The following SKIL variants were observed in gnomAD, a reference collection of about 807,000 sequenced individuals.
The protein encoded by SKIL is ski-like protein.
In SKIL, 20 loss-of-function variants were observed where a neutral mutation model predicts 69.6. That is an observed-to-expected ratio of 0.29 (90% confidence interval 0.20 to 0.42). The LOEUF (loss-of-function observed/expected upper bound fraction) is 0.42. Ranked by LOEUF, SKIL falls within the 10% of genes least tolerant of loss-of-function variation. The pLI is 1.00. For missense variants in SKIL, 745 were observed against 783.1 expected (o/e 0.95, Z 0.58); for synonymous variants, 310 against 279.9 (o/e 1.11, Z -1.08).
intron 2 of SKIL, among the ~76,000 whole-genome samples, chr3:170,368,809 A>G (rs1424166801): frequency 3.3e-5 from 5 of 152,214 alleles, no homozygotes; most frequent in Admixed American, 2.6e-4. Flanking sequence ...TTTTTTTATT[A>G]TAGAAGCATT....
chr3:170,382,314 T>G (rs1737392841), intron 3 of SKIL, among the ~76,000 whole-genome samples: 2 of 152,190 alleles, frequency 1.3e-5, no homozygotes, highest in South Asian at 4.1e-4. Flanking sequence ...ATAGGTCATT[T>G]TCTTTTTGCC....
intron 2 of SKIL, among the ~76,000 whole-genome samples, chr3:170,361,671 T>G (rs955398665): frequency 6.6e-5 from 10 of 152,064 alleles, no homozygotes; most frequent in African/African-American, 2.2e-4. Context: ...ACAGATAAAG[T>G]GAATGAAGCT....
In SKIL at chr3:170,359,770, T is replaced by A. The variant is rs1283874905; in HGVS notation, c.-562T>A. 6.6e-6 allele frequency: 1 copy of A among 152,270 alleles called. No individual in the cohort carries two copies. Among genetic ancestry groups the A allele is most frequent in the Non-Finnish European group, 1.5e-5 (1 of 68,112 alleles). 9.4% of individuals were successfully genotyped at this position (152,270 alleles called of 1,614,324 possible). The stretch of plus-strand genomic sequence containing the variant: ...AATTTTTTAAGTCGGAGGCTGTTCT[T>A]ACTGGTGTGAGGATTTACACACGTC... On this transcript the variant is annotated 5_prime_UTR_variant, in exon 2 of 7. Coordinates refer to ENST00000259119, the MANE Select transcript of SKIL (RefSeq NM_005414.5).
In SKIL at chr3:170,391,216, G is replaced by A. The variant is rs764160055; in HGVS notation, c.1852G>A (p.Asp618Asn). 5 of 1,612,152 alleles carry A rather than the reference G, an allele frequency of 3.1e-6. No individual in the cohort carries two copies. The highest frequency in any genetic ancestry group is 3.3e-5 in the Admixed American group (2 of 59,866). Residue 618 changes from aspartate to asparagine, a missense_variant, in exon 6 of 7, where the codon GAC becomes AAC. By Grantham distance (23) the Asp-to-Asn change is conservative (BLOSUM62 1). Coordinates refer to ENST00000259119, the MANE Select transcript of SKIL (RefSeq NM_005414.5). ...GATAATGAAGCAAAAATGTACCTGTGACTCAAATTTAGAAAAAGACAAAGA... is the reference window on the plus strand; with the variant it reads ...GATAATGAAGCAAAAATGTACCTGTAACTCAAATTTAGAAAAAGACAAAGA... Reference protein sequence around the residue: ...EQIMKQKCTCDSNLEKDKEAE... With the variant: ...EQIMKQKCTCNSNLEKDKEAE...
At chr3:170,364,268 A>G (rs534791182) in intron 2 of SKIL, among the ~76,000 whole-genome samples, 1 of 146,114 alleles carries the variant, frequency 6.8e-6, no homozygotes, top group South Asian at 2.2e-4. Context: ...CTACTCTTAC[A>G]TGTCTGTTGG....
chr3:170,365,786 C>T (rs1469998475), intron 2 of SKIL, among the ~76,000 whole-genome samples: 6 of 114,214 alleles, frequency 5.3e-5, no homozygotes, highest in African/African-American at 8.4e-5. Context: ...GATGGAGTTT[C>T]GCTCTTGCGC....
chr3:170,370,110 G>GCGCCTGTAGTCC (rs1268392696), intron 2 of SKIL, among the ~76,000 whole-genome samples: 1 of 151,870 alleles, frequency 6.6e-6, no homozygotes, highest in Non-Finnish European at 1.5e-5. Context: ...GCGGTGGCAG[G>GCGCCTGTAGTCC]CGCCTGTAGT....
chr3:170,378,200 C>T (rs1422016738), intron 2 of SKIL, among the ~76,000 whole-genome samples: 3 of 152,120 alleles, frequency 2.0e-5, no homozygotes, highest in Non-Finnish European at 4.4e-5. Flanking sequence ...CTATTTTTGT[C>T]CTTTAGTTGG....
At chr3:170,366,950 A>G in intron 2 of SKIL, among the ~76,000 whole-genome samples, 1 of 151,778 alleles carries the variant, frequency 6.6e-6, no homozygotes, top group Non-Finnish European at 1.5e-5. Context: ...ATTTGATCTA[A>G]TTCTAATTTT....
At chr3:170,376,182 G>C (rs1219555210) in intron 2 of SKIL, among the ~76,000 whole-genome samples, 1 of 151,464 alleles carries the variant, frequency 6.6e-6, no homozygotes, top group Non-Finnish European at 1.5e-5. Context: ...CGAGTAGCTG[G>C]GATTACAGGG....
chr3:170,363,866 G>A (rs1368689159), intron 2 of SKIL, among the ~76,000 whole-genome samples: 3 of 152,192 alleles, frequency 2.0e-5, no homozygotes, highest in Non-Finnish European at 2.9e-5. Context: ...GTCCCGTGCT[G>A]AAGTTTGTGC....
chr3:170,395,257 A>T lies in SKIL; in HGVS notation c.*2840A>T, dbSNP rs1310631303. On this transcript the variant is annotated 3_prime_UTR_variant, in exon 7 of 7. Transcript: ENST00000259119. ...CTCTTCAACTACCCTAAATTTCACA[A>T]ATGTAACTTATAACACTATGAAAAG... The T allele has an allele frequency of 6.6e-6, 1 of 152,144 alleles. No homozygotes were observed. Among genetic ancestry groups the T allele is most frequent in the East Asian group, 1.9e-4 (1 of 5,200 alleles). The allele number at this position is 152,144 out of a possible 1,614,324, so 9.4% of individuals were successfully genotyped here. A position where few individuals can be genotyped will look rare whatever the true frequency, so the allele number is the denominator to read the frequency against.
chr3:170,389,160 A>C lies in SKIL; in HGVS notation c.1430-1063A>C, dbSNP rs528970243. On this transcript the variant is annotated intron_variant, in intron 4 of 6. Coordinates refer to ENST00000259119, the MANE Select transcript of SKIL (RefSeq NM_005414.5). ...AGTGCTGGGATTATAGGCGTGAGCC[A>C]CCACATCCAGCCAAGAAATTTATGT... 3.0e-4 allele frequency among the ~76,000 whole-genome samples: 45 copies of C among 152,284 alleles called. No homozygotes were observed. The Middle Eastern group carries it at 0.014, about 46-fold the overall frequency.
intron 2 of SKIL, among the ~76,000 whole-genome samples, chr3:170,362,020 G>C (rs1049296000): frequency 1.3e-5 from 2 of 152,020 alleles, no homozygotes; most frequent in Non-Finnish European, 2.9e-5. Context: ...CAATTCCCGT[G>C]GGCTCAAAAC....
intron 2 of SKIL, among the ~76,000 whole-genome samples, chr3:170,369,002 T>C (rs1736670024): frequency 6.6e-6 from 1 of 152,068 alleles, no homozygotes; most frequent in South Asian, 2.1e-4. Context: ...AAAACGACTT[T>C]TATAATAACT....
intron 1 of SKIL, chr3:170,358,429 C>T (rs1220837067): frequency 6.6e-6 from 1 of 152,502 alleles, no homozygotes; most frequent in African/African-American, 2.4e-5. Context: ...CACCCCCAGG[C>T]TTCCCGTGTC....
At chr3:170,378,551 C>CTTTTT (rs1381200767) in intron 2 of SKIL, among the ~76,000 whole-genome samples, 16 of 48,574 alleles carry the variant, frequency 3.3e-4, no homozygotes, top group Admixed American at 1.2e-3. Context: ...CTCTCTCTCT[C>CTTTTT]TCTTTTTTTT....
intron 1 of SKIL, among the ~76,000 whole-genome samples, chr3:170,359,403 C>G (rs1015345345): frequency 1.3e-5 from 2 of 152,086 alleles, no homozygotes; most frequent in African/African-American, 4.8e-5. Context: ...CAAGACCAGC[C>G]TGACTAATAT....
chr3:170,381,565 G>A (rs941484485), intron 3 of SKIL, among the ~76,000 whole-genome samples: 2 of 151,484 alleles, frequency 1.3e-5, no homozygotes, highest in East Asian at 2.0e-4. Flanking sequence ...CCCGAGTAGC[G>A]GGGACTACAG....
Sources: allele counts gnomAD v4.1 joint callset (sites outside exome capture counted in the v4.1 genomes callset), GRCh38; gene constraint gnomAD v4.1.1; transcripts MANE v1.5; gene names NCBI Gene and HGNC (gene_info 2026-07-23, HGNC 2026-07-21).